GSDMC: variants seen among roughly 807,000 people sequenced by gnomAD.
The protein encoded by GSDMC is gasdermin-C.
A neutral mutation model predicts 58.0 loss-of-function variants in GSDMC; 59 were observed. The ratio of observed to expected loss-of-function variants is 1.02; its 90% CI spans 0.82 to 1.26. The LOEUF (loss-of-function observed/expected upper bound fraction) is 1.26. Among genes scored for constraint, GSDMC ranks in the 50% most tolerant of loss-of-function variants. The pLI, the probability that GSDMC is intolerant of heterozygous loss-of-function variation, is 0.00. For synonymous variants in GSDMC, 241 were observed against 220.2 expected, an observed-to-expected ratio of 1.09 and a Z score of -0.83; for missense variants, 659 against 598.5, an observed-to-expected ratio of 1.10 and a Z score of -1.06.
chr8:129,730,144 G>A, the GSDMC span: 292 of 1,016,268 alleles, frequency 2.9e-4, no homozygotes, highest in Middle Eastern at 1.3e-3. Context: ...GATCTCACCC[G>A]AAAAAATAAA....
At chr8:129,763,438 C>T (rs139824595) in intron 4 of GSDMC, among the ~76,000 whole-genome samples, 1 of 152,220 alleles carries the variant, frequency 6.6e-6, no homozygotes, top group Non-Finnish European at 1.5e-5. Context: ...CACTTTCATT[C>T]TGGAAACACA....
chr8:129,739,784 T>A, the GSDMC span, among the ~76,000 whole-genome samples: 4 of 152,256 alleles, frequency 2.6e-5, no homozygotes, highest in Non-Finnish European at 4.4e-5. Flanking sequence ...ATGTGTTTAC[T>A]ATAGATTGTT....
At chr8:129,750,213 C>T (rs2033126859) in intron 11 of GSDMC, 94 bp from the exon 12 acceptor site, 2 of 1,123,562 alleles carry the variant, frequency 1.8e-6, no homozygotes, top group Admixed American at 2.9e-5. Context: ...AAGGGGTAGG[C>T]ATGAGGGTTC....
rs773282596 is a variant in GSDMC at position 129,748,553 on chromosome 8, AG to A, written c.1474del (p.Leu492CysfsTer62). 4.3e-6 allele frequency: 7 copies of A among 1,613,562 alleles called. No individual in the cohort carries two copies. Among genetic ancestry groups the A allele is most frequent in the Non-Finnish European group, 5.9e-6 (7 of 1,179,768 alleles). ...STWDVEAKMPLSALYGTLSLL... is the reference protein window; with the variant it reads ...STWDVEAKMPXSALYGTLSLL... Reference sequence around the variant, plus strand: ...CGAGAGAGTCCCATAGAGGGCAGACAGGGGCATCTTTGCTTCTACATCCCAG... The same window carrying A: ...CGAGAGAGTCCCATAGAGGGCAGACAGGGCATCTTTGCTTCTACATCCCAG... On this transcript the variant is annotated frameshift_variant, in exon 14 of 14. Transcript: ENST00000276708. LOFTEE classifies it low-confidence loss of function (END_TRUNC).
At chr8:129,727,331 T>C in the GSDMC span, among the ~76,000 whole-genome samples, 2 of 152,140 alleles carry the variant, frequency 1.3e-5, no homozygotes, top group Admixed American at 6.5e-5. Flanking sequence ...AAAGATCAAC[T>C]CTGTGAGCTT....
the GSDMC span, among the ~76,000 whole-genome samples, chr8:129,713,370 A>C: frequency 6.6e-6 from 1 of 150,636 alleles, no homozygotes; most frequent in African/African-American, 2.5e-5. Context: ...CAAGGAAGGG[A>C]CAGTCCCAGC....
intron 3 of GSDMC, among the ~76,000 whole-genome samples, chr8:129,774,537 A>AAAAAG (rs948828149): frequency 6.6e-6 from 1 of 151,796 alleles, no homozygotes; most frequent in Admixed American, 6.6e-5. Flanking sequence ...GCAAAAAAAA[A>AAAAAG]AAAAGAAAAG....
intron 9 of GSDMC, 36 bp from the exon 10 acceptor site, chr8:129,751,604 A>G (rs2033194767): frequency 6.2e-7 from 1 of 1,601,644 alleles, no homozygotes; most frequent in South Asian, 1.1e-5. Flanking sequence ...TCACTTCCTC[A>G]TCCCCCCAAA....
At chr8:129,748,952 G>A (rs984804017) in intron 13 of GSDMC, among the ~76,000 whole-genome samples, 10 of 144,852 alleles carry the variant, frequency 6.9e-5, no homozygotes, top group East Asian at 3.9e-4. Flanking sequence ...ATGAAATGGT[G>A]AAAATAAAAC....
At chr8:129,785,932 C>T (rs1245837902) in intron 1 of GSDMC, 79 bp downstream of exon 1, 2 of 152,222 alleles carry the variant, frequency 1.3e-5, no homozygotes, top group Non-Finnish European at 2.9e-5. Flanking sequence ...CGACTCATTT[C>T]ACAAACCCAT....
At chr8:129,785,419 G>A (rs1287169438) in intron 1 of GSDMC, among the ~76,000 whole-genome samples, 1 of 150,200 alleles carries the variant, frequency 6.7e-6, no homozygotes, top group Non-Finnish European at 1.5e-5. Flanking sequence ...AGGGAGGTGG[G>A]GATGGTAAAT....
rs548064391 is a variant in GSDMC at position 129,777,367 on chromosome 8, C to A, written c.220+1G>T. The A allele has an allele frequency of 2.5e-6, 4 of 1,593,682 alleles. No individual in the cohort carries two copies. The highest frequency in any genetic ancestry group is 2.2e-5 in the South Asian group (2 of 90,626). ...CCTCCTTGGCCTCTGGCTGACAATA[C>A]CTAGGACTGAAGAACTTGGCTCCAG... On this transcript the variant is annotated splice_donor_variant, in intron 2 of 13. Coordinates refer to ENST00000276708, the MANE Select transcript of GSDMC (RefSeq NM_031415.3). LOFTEE classifies it high-confidence loss of function.
chr8:129,708,765 C>T, the GSDMC span, among the ~76,000 whole-genome samples: 22 of 152,392 alleles, frequency 1.4e-4, no homozygotes, highest in African/African-American at 4.6e-4. Flanking sequence ...TAACAGCAAA[C>T]AAAACAGCTG....
At chr8:129,756,251 G>T (rs1227398891) in intron 6 of GSDMC, among the ~76,000 whole-genome samples, 1 of 146,784 alleles carries the variant, frequency 6.8e-6, no homozygotes, top group Non-Finnish European at 1.5e-5. Flanking sequence ...AAACTGTAAG[G>T]AGAGACAAAA....
chr8:129,764,229 A>C (rs939610339), intron 4 of GSDMC, among the ~76,000 whole-genome samples: 1 of 152,132 alleles, frequency 6.6e-6, no homozygotes, highest in Non-Finnish European at 1.5e-5. Context: ...AAAGCTGTTA[A>C]ATGTGCATAG....
chr8:129,750,115 T>G lies in GSDMC; in HGVS notation c.1088A>C (p.Glu363Ala). 4 of 1,565,854 alleles carry G rather than the reference T, an allele frequency of 2.6e-6. No homozygotes were observed. The highest frequency in any genetic ancestry group is 2.6e-6 in the Non-Finnish European group (3 of 1,161,788). ...ATCCAAATGACCTGAGCTGTCCAATTCCAGCTATAGAAGACAGGTATTATT... is the reference window on the plus strand; with the variant it reads ...ATCCAAATGACCTGAGCTGTCCAATGCCAGCTATAGAAGACAGGTATTATT... ...GALQDLMNML[E>A]LDSSGHLDGP... The change falls in exon 12 of 14, where the codon GAA becomes GCA. Residue 363 changes from glutamate (E) to alanine (A), a missense_variant. Physicochemically the swap from Glu to Ala is moderately radical, Grantham distance 107. Coordinates refer to ENST00000276708, the MANE Select transcript of GSDMC (RefSeq NM_031415.3).
intron 3 of GSDMC, among the ~76,000 whole-genome samples, chr8:129,774,109 A>T (rs1299246151): frequency 1.3e-5 from 2 of 152,188 alleles, no homozygotes; most frequent in African/African-American, 4.8e-5. Flanking sequence ...CAATCTCAAG[A>T]AAGAACAAAG....
chr8:129,715,796 A>G, the GSDMC span, among the ~76,000 whole-genome samples: 1 of 152,182 alleles, frequency 6.6e-6, no homozygotes, highest in East Asian at 1.9e-4. Context: ...AAGATTTTTT[A>G]TTATTTAAAT....
the GSDMC span, among the ~76,000 whole-genome samples, chr8:129,734,732 T>G: frequency 2.0e-5 from 3 of 152,166 alleles, no homozygotes; most frequent in Non-Finnish European, 4.4e-5. Context: ...AGACCATTGA[T>G]GCTAGGAAGA....
Sources: allele counts gnomAD v4.1 joint callset (sites outside exome capture counted in the v4.1 genomes callset), GRCh38; gene constraint gnomAD v4.1.1; transcripts MANE v1.5; gene names NCBI Gene and HGNC (gene_info 2026-07-23, HGNC 2026-07-21).